Variants in CCSER1 observed in about 807,000 individuals in gnomAD.
CCSER1 encodes coiled-coil serine rich protein 1.
A neutral mutation model predicts 82.0 loss-of-function variants in CCSER1; 41 were observed. The ratio of observed to expected loss-of-function variants is 0.50; its 90% CI spans 0.39 to 0.65. The LOEUF (loss-of-function observed/expected upper bound fraction) is 0.65, where lower values mean the gene tolerates loss of function less well. CCSER1 is among the 30% of genes least tolerant of loss of function. The pLI is 0.00. For synonymous variants in CCSER1, 414 were observed against 383.9 expected (o/e 1.08, Z -0.92); for missense variants, 1,119 against 1,064.2 (o/e 1.05, Z -0.72).
chr4:90,373,235 C>CA (rs1365138056), intron 3 of CCSER1, among the ~76,000 whole-genome samples: 1 of 152,050 alleles, frequency 6.6e-6, no homozygotes, highest in Non-Finnish European at 1.5e-5. Flanking sequence ...TGAAAATTAT[C>CA]ATATATATTG....
chr4:90,826,159 A>G (rs1010609266), intron 8 of CCSER1, among the ~76,000 whole-genome samples: 1 of 152,160 alleles, frequency 6.6e-6, no homozygotes, highest in African/African-American at 2.4e-5. Context: ...GGATTTGGCT[A>G]TCACCTCTAC....
At chr4:91,460,732 G>T (rs1221847909) in intron 10 of CCSER1, among the ~76,000 whole-genome samples, 4 of 152,050 alleles carry the variant, frequency 2.6e-5, no homozygotes, top group African/African-American at 9.7e-5. Flanking sequence ...AAAGCCAGGT[G>T]GTAAAATCTC....
intron 5 of CCSER1, among the ~76,000 whole-genome samples, chr4:90,472,619 G>C (rs1001831764): frequency 2.0e-5 from 3 of 152,136 alleles, no homozygotes; most frequent in Non-Finnish European, 4.4e-5. Context: ...AAACAAAGGT[G>C]GGGATTTTAC....
intron 5 of CCSER1, among the ~76,000 whole-genome samples, chr4:90,621,310 A>G (rs977517510): frequency 1.3e-5 from 2 of 152,150 alleles, no homozygotes; most frequent in Non-Finnish European, 2.9e-5. Flanking sequence ...TATCTGAGTC[A>G]TAGGAGAACC....
chr4:90,665,859 A>G (rs1731674189), intron 6 of CCSER1, among the ~76,000 whole-genome samples: 1 of 152,184 alleles, frequency 6.6e-6, no homozygotes, highest in Non-Finnish European at 1.5e-5. Context: ...GCAGTCTTCA[A>G]GGTGTTGGCA....
At chr4:90,714,544 C>T (rs1741271499) in intron 6 of CCSER1, among the ~76,000 whole-genome samples, 1 of 151,868 alleles carries the variant, frequency 6.6e-6, no homozygotes, top group African/African-American at 2.4e-5. Flanking sequence ...GTTCAGATCC[C>T]CCTACATAGA....
At chr4:91,036,778 G>C (rs1741467308) in intron 9 of CCSER1, among the ~76,000 whole-genome samples, 1 of 152,078 alleles carries the variant, frequency 6.6e-6, no homozygotes, top group Non-Finnish European at 1.5e-5. Context: ...AATGGAGGGT[G>C]AACTATAGTG....
At chr4:90,374,870 A>C (rs1349476474) in intron 3 of CCSER1, among the ~76,000 whole-genome samples, 1 of 152,118 alleles carries the variant, frequency 6.6e-6, no homozygotes, top group Non-Finnish European at 1.5e-5. Context: ...TACCAAAAAA[A>C]CCCCAATAAT....
intron 10 of CCSER1, among the ~76,000 whole-genome samples, chr4:91,333,850 CT>C (rs1747126222): frequency 6.6e-6 from 1 of 151,958 alleles, no homozygotes; most frequent in Non-Finnish European, 1.5e-5. Flanking sequence ...AAGACAATTA[CT>C]TTTTTGGATT....
intron 9 of CCSER1, among the ~76,000 whole-genome samples, chr4:90,929,907 G>T (rs1729514983): frequency 1.3e-5 from 2 of 152,084 alleles, no homozygotes; most frequent in Non-Finnish European, 1.5e-5. Flanking sequence ...TAATGGGATG[G>T]TTGATGTGTT....
chr4:90,850,777 G>C (rs1220848843), intron 8 of CCSER1, among the ~76,000 whole-genome samples: 1 of 152,144 alleles, frequency 6.6e-6, no homozygotes, highest in Admixed American at 6.5e-5. Flanking sequence ...TGGACTTTTG[G>C]GTTAATGCTG....
At chr4:90,354,698 G>A (rs553418162) in intron 3 of CCSER1, among the ~76,000 whole-genome samples, 4 of 152,148 alleles carry the variant, frequency 2.6e-5, no homozygotes, top group African/African-American at 9.6e-5. Context: ...GATGGTTCTC[G>A]TGCTAGGTAT....
chr4:90,135,409 T>G (rs2153322546), intron 1 of CCSER1, among the ~76,000 whole-genome samples: 1 of 152,002 alleles, frequency 6.6e-6, no homozygotes, highest in African/African-American at 2.4e-5. Flanking sequence ...AAGACTGGGA[T>G]CCTGCCTCTG....
At chr4:90,356,220 A>G (rs957317767) in intron 3 of CCSER1, among the ~76,000 whole-genome samples, 7 of 151,972 alleles carry the variant, frequency 4.6e-5, no homozygotes, top group Middle Eastern at 3.5e-3. Flanking sequence ...CTGTGTAGCT[A>G]TACTGTTTTA....
chr4:90,662,148 G>A (rs964357753), intron 6 of CCSER1, among the ~76,000 whole-genome samples: 2 of 151,916 alleles, frequency 1.3e-5, no homozygotes, highest in East Asian at 1.9e-4. Context: ...ACAGGCGCTC[G>A]CCACCATGCC....
intron 4 of CCSER1, among the ~76,000 whole-genome samples, chr4:90,446,222 A>G (rs17017003): frequency 6.6e-6 from 1 of 152,184 alleles, no homozygotes; most frequent in African/African-American, 2.4e-5. Context: ...CTGTACACTT[A>G]GCACATTTCT....
At chr4:91,245,857 C>G (rs1320491130) in intron 10 of CCSER1, among the ~76,000 whole-genome samples, 1 of 152,048 alleles carries the variant, frequency 6.6e-6, no homozygotes, top group Non-Finnish European at 1.5e-5. Flanking sequence ...CCACGACGTC[C>G]GGTTAGTTTT....
At chr4:91,330,988 C>G (rs1347695149) in intron 10 of CCSER1, among the ~76,000 whole-genome samples, 2 of 152,142 alleles carry the variant, frequency 1.3e-5, no homozygotes, top group Non-Finnish European at 2.9e-5. Flanking sequence ...TTATTCATAA[C>G]TTATAGGCTA....
intron 10 of CCSER1, among the ~76,000 whole-genome samples, chr4:91,273,472 C>T (rs1422423413): frequency 6.6e-6 from 1 of 152,074 alleles, no homozygotes; most frequent in African/African-American, 2.4e-5. Context: ...GGAAACTTTG[C>T]TGAATTCTTT....
Sources: gnomAD v4.1 joint callset for allele counts (sites outside exome capture counted in the v4.1 genomes callset) on GRCh38, gnomAD v4.1.1 for gene constraint, MANE v1.5 for transcripts, NCBI Gene and HGNC (gene_info 2026-07-23, HGNC 2026-07-21) for gene names.